Variants in PPM1B observed in about 807,000 individuals in gnomAD.
The protein encoded by PPM1B is protein phosphatase 1B.
In PPM1B, 22 loss-of-function variants were observed where a neutral mutation model predicts 43.0. That is an observed-to-expected ratio of 0.51 (90% CI 0.37 to 0.73). PPM1B has a LOEUF of 0.73. Among genes scored for constraint, PPM1B ranks in the 30% least tolerant of loss-of-function variants. The pLI is 0.00. For synonymous variants in PPM1B, 217 were observed against 197.9 expected, an observed-to-expected ratio of 1.10 and a Z score of -0.81; for missense variants, 632 against 584.2, an observed-to-expected ratio of 1.08 and a Z score of -0.84.
At chr2:44,183,276 G>A (rs1386389587) in intron 1 of PPM1B, among the ~76,000 whole-genome samples, 1 of 152,184 alleles carries the variant, frequency 6.6e-6, no homozygotes, top group Non-Finnish European at 1.5e-5. Flanking sequence ...CCATGTGCAT[G>A]TTCTTAACTA....
chr2:44,201,167 C>A lies in PPM1B; in HGVS notation c.-14-19C>A. ...TTCTGTCAAATTTAAACATTTAACA[C>A]CTGCATTTTTTATTTCAGATTTATT... is the stretch of plus-strand genomic sequence containing the variant. On this transcript the variant is annotated intron_variant, in intron 1 of 5. Transcript: ENST00000282412. The surrounding 1 kb of genome is among the most constrained non-coding windows in gnomAD (Gnocchi z 5.4). The A allele has an allele frequency of 6.4e-7, 1 of 1,553,900 alleles. No homozygotes were observed. Among genetic ancestry groups the A allele is most frequent in the Non-Finnish European group, 8.7e-7 (1 of 1,147,880 alleles).
chr2:44,231,004 A>G lies in PPM1B; in HGVS notation c.*286A>G, dbSNP rs1446297199. 1.0e-5 allele frequency: 10 copies of G among 990,830 alleles called. No homozygotes were observed. Among genetic ancestry groups the G allele is most frequent in the African/African-American group, 3.5e-5 (2 of 57,712 alleles). The allele number at this position is 990,830 out of a possible 1,614,324, so 61.4% of individuals were successfully genotyped here. The stretch of plus-strand genomic sequence containing the variant: ...TAAAGTCAGTAGTTAAATTAATACT[A>G]GATAGAATTAGAAATTTTGATTAGA... On this transcript the variant is annotated 3_prime_UTR_variant, in exon 6 of 6. Transcript: ENST00000282412.
At chr2:44,236,631 A>G (rs968475784), downstream of PPM1B, among the ~76,000 whole-genome samples, 1 of 152,130 alleles carries the variant, frequency 6.6e-6, no homozygotes, top group Non-Finnish European at 1.5e-5. Context: ...ACTGCCTGAT[A>G]TATTTTCTGA....
downstream of PPM1B, among the ~76,000 whole-genome samples, chr2:44,237,966 T>C (rs1372445292): frequency 6.6e-6 from 1 of 152,218 alleles, no homozygotes; most frequent in Non-Finnish European, 1.5e-5. Context: ...AATGGCACGA[T>C]CTCGGCTCAC....
intron 3 of PPM1B, 54 bp downstream of exon 3, chr2:44,209,381 C>A (rs1215866784): frequency 6.3e-7 from 1 of 1,578,174 alleles, no homozygotes; most frequent in Non-Finnish European, 8.6e-7. Flanking sequence ...TAGCTCATGC[C>A]TGTAATCCTA....
At chr2:44,237,217 A>G (rs1420602874), downstream of PPM1B, among the ~76,000 whole-genome samples, 1 of 152,094 alleles carries the variant, frequency 6.6e-6, no homozygotes, top group Non-Finnish European at 1.5e-5. Context: ...CAACTTTGGG[A>G]GTTATTTTGT....
At chr2:44,232,431 A>G (rs2104281675), downstream of PPM1B, 2 of 1,578,606 alleles carry the variant, frequency 1.3e-6, no homozygotes, top group South Asian at 2.4e-5. Flanking sequence ...CAAGGGGAAA[A>G]TATTCTTGCG....
chr2:44,222,248 C>T (rs2104240059), intron 5 of PPM1B, among the ~76,000 whole-genome samples: 1 of 152,124 alleles, frequency 6.6e-6, no homozygotes, highest in Non-Finnish European at 1.5e-5. Context: ...ACAATCCTGG[C>T]ATACGGTGAA....
At chr2:44,191,019 C>G (rs1236135334) in intron 1 of PPM1B, among the ~76,000 whole-genome samples, 1 of 152,136 alleles carries the variant, frequency 6.6e-6, no homozygotes, top group Non-Finnish European at 1.5e-5. Flanking sequence ...TAACATTTTG[C>G]TGTTTGCTTC....
At chr2:44,232,662 A>G (rs1292629912), downstream of PPM1B, 3 of 1,145,820 alleles carry the variant, frequency 2.6e-6, no homozygotes, top group Non-Finnish European at 2.1e-6. Context: ...TGCATGGGAA[A>G]TATAGTTAGC....
At chr2:44,171,940 TCTAA>T (rs1323153496) in intron 1 of PPM1B, among the ~76,000 whole-genome samples, 2 of 152,288 alleles carry the variant, frequency 1.3e-5, no homozygotes, top group African/African-American at 4.8e-5. Context: ...GTAGTATAAT[TCTAA>T]CTCTCGCTTT....
chr2:44,200,367 A>C (rs1333274966), intron 1 of PPM1B, among the ~76,000 whole-genome samples: 2 of 152,214 alleles, frequency 1.3e-5, no homozygotes, highest in African/African-American at 4.8e-5. Context: ...TTTATTCTAT[A>C]AAATAGTAAA....
intron 1 of PPM1B, among the ~76,000 whole-genome samples, chr2:44,187,436 G>T (rs1358853900): frequency 6.6e-6 from 1 of 152,184 alleles, no homozygotes; most frequent in African/African-American, 2.4e-5. Flanking sequence ...TACATACACA[G>T]AAGTGGCATT....
chr2:44,205,289 T>C (rs1459018704), intron 2 of PPM1B, among the ~76,000 whole-genome samples: 1 of 151,258 alleles, frequency 6.6e-6, no homozygotes, highest in African/African-American at 2.4e-5. Flanking sequence ...TTTAGTATTT[T>C]TGTTAACAAT....
chr2:44,209,348 A>G (rs543046622), intron 3 of PPM1B, 21 bp downstream of exon 3: 1 of 1,613,308 alleles, frequency 6.2e-7, no homozygotes, highest in East Asian at 2.2e-5. Flanking sequence ...TGCTTTTTAA[A>G]AATATAGACA....
chr2:44,218,636 G>GACT, intron 5 of PPM1B, 99 bp downstream of exon 5: 1 of 824,780 alleles, frequency 1.2e-6, no homozygotes, highest in Non-Finnish European at 1.9e-6. Context: ...ATAAATTATA[G>GACT]TCTGTAGTAA....
downstream of PPM1B, chr2:44,234,084 T>C: frequency 1.0e-6 from 1 of 968,262 alleles, no homozygotes; most frequent in Non-Finnish European, 1.2e-6. Context: ...CTATTTGGTA[T>C]GATTCAGTTT....
downstream of PPM1B, chr2:44,233,977 A>G: frequency 5.1e-6 from 5 of 985,404 alleles, no homozygotes; most frequent in Non-Finnish European, 4.8e-6. Flanking sequence ...TACTGATAGT[A>G]CTTCCCAGTA....
At chr2:44,245,508 G>A (rs1670839071), downstream of PPM1B, among the ~76,000 whole-genome samples, 1 of 152,182 alleles carries the variant, frequency 6.6e-6, no homozygotes, top group Non-Finnish European at 1.5e-5. Context: ...AGCCTTGAGA[G>A]AGATGTAGTT....
Sources: allele counts gnomAD v4.1 joint callset (sites outside exome capture counted in the v4.1 genomes callset), GRCh38; gene constraint gnomAD v4.1.1; non-coding constraint Gnocchi (gnomAD v3.1); transcripts MANE v1.5; gene names NCBI Gene and HGNC (gene_info 2026-07-23, HGNC 2026-07-21).